The following BANK1 variants were observed in gnomAD, a reference collection of about 807,000 sequenced individuals.
The protein encoded by BANK1 is B cell scaffold protein with ankyrin repeats 1.
BANK1 carries 95 observed loss-of-function variants against 94.5 expected under a neutral mutation model. The observed-to-expected ratio is 1.00, with a 90% CI of 0.85 to 1.19. The LOEUF (loss-of-function observed/expected upper bound fraction) is 1.19. BANK1 is among the 50% of genes most tolerant of loss of function. BANK1 has a pLI of 0.00. For synonymous variants in BANK1, 334 were observed against 308.4 expected (o/e 1.08, Z -0.87); for missense variants, 987 against 932.2 (o/e 1.06, Z -0.77).
At chr4:101,960,708 T>A (rs1173102557) in intron 7 of BANK1, among the ~76,000 whole-genome samples, 1 of 152,196 alleles carries the variant, frequency 6.6e-6, no homozygotes, top group Non-Finnish European at 1.5e-5. Flanking sequence ...TGCTCAGACG[T>A]ACCAAAACTT....
At chr4:101,941,278 A>AT (rs1258947487) in intron 7 of BANK1, among the ~76,000 whole-genome samples, 1 of 151,472 alleles carries the variant, frequency 6.6e-6, no homozygotes, top group Admixed American at 6.6e-5. Context: ...TAACATGTGT[A>AT]TTTTCTGCCC....
chr4:101,886,507 T>G, intron 5 of BANK1, among the ~76,000 whole-genome samples: 1 of 152,204 alleles, frequency 6.6e-6, no homozygotes, highest in East Asian at 1.9e-4. Flanking sequence ...AGAGACATTG[T>G]TTTGAGTATG....
At chr4:101,908,961 A>G (rs1335322424) in intron 6 of BANK1, among the ~76,000 whole-genome samples, 2 of 152,190 alleles carry the variant, frequency 1.3e-5, no homozygotes, top group Non-Finnish European at 2.9e-5. Flanking sequence ...TGTTGGTGGG[A>G]CTGTAAACTG....
chr4:101,856,275 C>CA (rs1727676649), intron 3 of BANK1, among the ~76,000 whole-genome samples: 1 of 151,862 alleles, frequency 6.6e-6, no homozygotes, highest in Non-Finnish European at 1.5e-5. Context: ...TCCAGAGGAA[C>CA]AAAAAAATGC....
chr4:102,039,559 G>A (rs1727639742), intron 10 of BANK1, among the ~76,000 whole-genome samples: 1 of 151,982 alleles, frequency 6.6e-6, no homozygotes. Context: ...AACAAGGCAG[G>A]GAGAATAGAG....
intron 1 of BANK1, among the ~76,000 whole-genome samples, chr4:101,806,641 T>C (rs1015886560): frequency 6.6e-6 from 1 of 152,206 alleles, no homozygotes; most frequent in African/African-American, 2.4e-5. Context: ...TCATAATACA[T>C]GGTGCATAAT....
intron 6 of BANK1, among the ~76,000 whole-genome samples, chr4:101,904,891 T>C (rs772899718): frequency 4.6e-5 from 7 of 152,236 alleles, no homozygotes; most frequent in Non-Finnish European, 1.0e-4. Context: ...AGAGAAATGA[T>C]TGAAATGTCC....
chr4:101,843,829 G>A (rs1727147724), intron 2 of BANK1, among the ~76,000 whole-genome samples: 1 of 152,138 alleles, frequency 6.6e-6, no homozygotes, highest in South Asian at 2.1e-4. Context: ...GGCTAAGGCA[G>A]GAGAATCGCT....
chr4:101,979,817 C>A (rs1725267817), intron 7 of BANK1, among the ~76,000 whole-genome samples: 1 of 151,814 alleles, frequency 6.6e-6, no homozygotes, highest in Non-Finnish European at 1.5e-5. Flanking sequence ...GATTAGTGCC[C>A]AATTTCTTGG....
At chr4:101,847,851 G>A (rs1001260398) in intron 2 of BANK1, among the ~76,000 whole-genome samples, 3 of 151,126 alleles carry the variant, frequency 2.0e-5, no homozygotes, top group African/African-American at 4.9e-5. Context: ...TGCCGGATTC[G>A]CTCCCTCCCC....
intron 13 of BANK1, 120 bp from the exon 14 acceptor site, chr4:102,071,154 TG>T (rs1728746225): frequency 1.8e-6 from 2 of 1,116,732 alleles, no homozygotes; most frequent in Non-Finnish European, 1.3e-6. Context: ...TAGATCAGAA[TG>T]TGAGATTTCA....
At chr4:102,019,964 T>C (rs973425074) in intron 7 of BANK1, among the ~76,000 whole-genome samples, 2 of 152,146 alleles carry the variant, frequency 1.3e-5, no homozygotes, top group African/African-American at 4.8e-5. Flanking sequence ...ATTTGGCTTT[T>C]TGTACAAATG....
chr4:101,856,882 C>T (rs530238306), intron 3 of BANK1, among the ~76,000 whole-genome samples: 2 of 152,212 alleles, frequency 1.3e-5, no homozygotes, highest in East Asian at 3.9e-4. Context: ...TATTTTAGTG[C>T]CAGCCCCACA....
In BANK1 at chr4:101,994,368, C is replaced by T. The variant is rs537875619; in HGVS notation, c.1207-27146C>T. ...AAACATCTGGAGGATTTCTGCAAGGCGAGGATTCACTCATAAATGACCCTT... is the reference window on the plus strand; with the variant it reads ...AAACATCTGGAGGATTTCTGCAAGGTGAGGATTCACTCATAAATGACCCTT... On this transcript the variant is annotated intron_variant, in intron 7 of 16. Coordinates refer to ENST00000322953, the MANE Select transcript of BANK1 (RefSeq NM_017935.5). Among the ~76,000 whole-genome samples the T allele has an allele frequency of 9.3e-4, 141 of 152,186 alleles. 1 individual carries two copies. The highest frequency in any genetic ancestry group is 3.2e-3 in the African/African-American group (131 of 41,534).
intron 7 of BANK1, among the ~76,000 whole-genome samples, chr4:101,995,848 CT>C (rs565050099): frequency 1.9e-3 from 283 of 152,136 alleles, no homozygotes; most frequent in African/African-American, 6.3e-3. Flanking sequence ...GATATTAGCC[CT>C]TTGTCAGATG....
chr4:102,057,365 TCTC>T (rs1042717785), intron 11 of BANK1, among the ~76,000 whole-genome samples: 8 of 115,900 alleles, frequency 6.9e-5, no homozygotes, highest in East Asian at 2.6e-4. Flanking sequence ...TCTCTCTCTC[TCTC>T]TTTTTTTTTC....
rs771009926 is a variant in BANK1 at position 102,030,226 on chromosome 4, A to G, written c.1861A>G (p.Ile621Val). ...TGCCCCCACACCCCGACCCACAAGT[A>G]TACCTCCAAAAGAGGAAACTACACC... ...PPAPTPRPTS[I>V]PPKEETTPYI... Residue 621 changes from isoleucine to valine, a missense_variant, in exon 10 of 17, where the codon ATA becomes GTA. Coordinates refer to ENST00000322953, the MANE Select transcript of BANK1 (RefSeq NM_017935.5). 2.5e-5 allele frequency: 40 copies of G among 1,607,276 alleles called. No homozygotes were observed. The highest frequency in any genetic ancestry group is 4.0e-5 in the African/African-American group (3 of 74,240).
chr4:101,898,611 T>C (rs1200302841), intron 6 of BANK1, among the ~76,000 whole-genome samples: 1 of 152,104 alleles, frequency 6.6e-6, no homozygotes, highest in East Asian at 1.9e-4. Context: ...CGTAAGGATT[T>C]GTCATGGAAT....
intron 7 of BANK1, among the ~76,000 whole-genome samples, chr4:101,944,200 G>A (rs1481577762): frequency 6.6e-6 from 1 of 151,842 alleles, no homozygotes; most frequent in Non-Finnish European, 1.5e-5. Context: ...ATGGTATGCT[G>A]GTAAAAGCTA....
Sources: gnomAD v4.1 joint callset for allele counts (sites outside exome capture counted in the v4.1 genomes callset) on GRCh38, gnomAD v4.1.1 for gene constraint, MANE v1.5 for transcripts, NCBI Gene and HGNC (gene_info 2026-07-23, HGNC 2026-07-21) for gene names.